Variants in MICAL1 observed in about 807,000 individuals in gnomAD.
MICAL1 encodes microtubule associated monooxygenase, calponin and LIM domain containing 1, also known as [F-actin]-monooxygenase MICAL1.
In MICAL1, 95 loss-of-function variants were observed where a neutral mutation model predicts 131.8. The observed-to-expected ratio is 0.72, with a 90% CI of 0.61 to 0.86. The LOEUF is 0.86. Ranked by LOEUF, MICAL1 falls within the 40% of genes least tolerant of loss-of-function variation. The pLI, the probability that MICAL1 is intolerant of heterozygous loss-of-function variation, is 0.00. For synonymous variants in MICAL1, 546 were observed against 554.2 expected (o/e 0.99, Z 0.21); for missense variants, 1,292 against 1,380.6 (o/e 0.94, Z 1.02).
intron 6 of MICAL1, chr6:109,452,038 A>C: frequency 1.4e-6 from 2 of 1,408,200 alleles, no homozygotes; most frequent in Non-Finnish European, 1.8e-6. Context: ...CATCTCTGAG[A>C]GATTCCAGGA....
In MICAL1 at chr6:109,448,276, C is replaced by T; in HGVS notation, c.1782G>A (p.Gly594=). 6.2e-7 allele frequency: 1 copy of T among 1,613,950 alleles called. No homozygotes were observed. The highest frequency in any genetic ancestry group is 8.5e-7 in the Non-Finnish European group (1 of 1,180,006). ...AGGCAATGAGGCCCAGTGGGTCACT[C>T]CCTGCTACCACGGCCTGTGCAGACA... ...PVVSAQAVVA[G]SDPLGLIAYL... is the part of the protein sequence containing the mutation. The change falls in exon 13 of 25, where the codon GGG becomes GGA. Residue 594 remains glycine, a synonymous_variant. Transcript: ENST00000358807.
upstream of MICAL1, chr6:109,455,896 G>A (rs1775731746): frequency 2.0e-6 from 2 of 985,424 alleles, no homozygotes; most frequent in Non-Finnish European, 1.2e-6. This position sits in a 1 kb window ranked among gnomAD's most constrained non-coding sequence, Gnocchi z 4.7. Context: ...TTCCGCGAGG[G>A]GCGCGGGGCG....
Position 109,444,206 on chromosome 6 carries a change from T to C in MICAL1, c.3189A>G (p.Thr1063=), listed in dbSNP as rs761818024. Residue 1063 remains threonine (T), a synonymous_variant, in exon 25 of 25, where the codon ACA becomes ACG. Transcript: ENST00000358807. ...ERRLSELALG[T]GAQG is the part of the protein sequence containing the mutation. ...CCACCCTCGTCTAGCCCTGGGCCCCTGTCCCCAAGGCCAGCTCGCTGAGCC... is the reference window on the plus strand; with the variant it reads ...CCACCCTCGTCTAGCCCTGGGCCCCCGTCCCCAAGGCCAGCTCGCTGAGCC... The C allele has an allele frequency of 3.7e-6, 6 of 1,613,054 alleles. No homozygotes were observed. Among genetic ancestry groups the C allele is most frequent in the East Asian group, 4.5e-5 (2 of 44,894 alleles).
At chr6:109,454,829 C>G (rs1408052878) in intron 1 of MICAL1, 1 of 152,722 alleles carries the variant, frequency 6.5e-6, no homozygotes, top group East Asian at 1.9e-4. Flanking sequence ...CCTCTGTCCG[C>G]GTAGGTTCCA....
At position 109,465,661 on chromosome 6, in the gene MICAL1, T is replaced by C. The variant is rs763686963; in HGVS notation, c.14+3A>G. On this transcript the variant is annotated splice_donor_region_variant and intron_variant, in intron 1 of 24. Transcript: ENST00000630715. ...TATTGAAATGCTCAATACAAATCAG[T>C]ACCTTAGACAAGACATACACACATC... 8 of 1,572,836 alleles carry C rather than the reference T, an allele frequency of 5.1e-6. No individual in the cohort carries two copies. The highest frequency in any genetic ancestry group is 3.4e-5 in the South Asian group (3 of 88,176).
chr6:109,452,365 A>G lies in MICAL1; in HGVS notation c.713T>C (p.Ile238Thr), dbSNP rs778062132. The change falls in exon 6 of 25, where the codon ATT (isoleucine) becomes ACT (threonine). Residue 238 changes from isoleucine (I) to threonine (T), a missense_variant. Coordinates refer to ENST00000358807, the MANE Select transcript of MICAL1 (RefSeq NM_022765.4). ...KVREMRGKLA[I>T]GITANFVNGR... ...ATTCACAAAGTTGGCTGTGATGCCA[A>G]TGGCCAGTTTGCCTCGCATTTCTCG... 16 of 1,614,082 alleles carry G rather than the reference A, an allele frequency of 9.9e-6. No individual in the cohort carries two copies. Among genetic ancestry groups the G allele is most frequent in the African/African-American group, 2.7e-5 (2 of 74,938 alleles).
At chr6:109,448,600 C>T in intron 12 of MICAL1, 132 bp downstream of exon 12, 1 of 1,405,058 alleles carries the variant, frequency 7.1e-7, no homozygotes, top group South Asian at 1.3e-5. Flanking sequence ...AAGCTCTCCA[C>T]TATCTGAATG....
chr6:109,449,716 C>T lies in MICAL1; in HGVS notation c.1375G>A (p.Gly459Arg), dbSNP rs1421110744. Reference protein sequence around the residue: ...ENMHRNVAQYGLDPATRYPNL... With the variant: ...ENMHRNVAQYRLDPATRYPNL... Reference sequence around the variant, plus strand: ...GGGTAGCGGGTGGCTGGGTCCAGCCCATACTGGGCCACATTGCGATGCATG... The same window carrying T: ...GGGTAGCGGGTGGCTGGGTCCAGCCTATACTGGGCCACATTGCGATGCATG... The change falls in exon 10 of 25, where the codon GGG becomes AGG. Residue 459 changes from glycine (G) to arginine (R), a missense_variant. By Grantham distance (125) the Gly-to-Arg change is moderately radical. Coordinates refer to ENST00000358807, the MANE Select transcript of MICAL1 (RefSeq NM_022765.4). The T allele has an allele frequency of 6.3e-7, 1 of 1,598,814 alleles. No individual in the cohort carries two copies. The highest frequency in any genetic ancestry group is 2.2e-5 in the East Asian group (1 of 44,872).
intron 13 of MICAL1, 96 bp downstream of exon 13, chr6:109,448,097 GACACACACAC>G (rs377004839): frequency 2.9e-5 from 33 of 1,130,290 alleles, no homozygotes; most frequent in Non-Finnish European, 2.2e-5. Flanking sequence ...TCCTCTTTCT[GACACACACAC>G]ACACACACAC....
At chr6:109,450,249 G>A (rs762624565) in intron 8 of MICAL1, 51 bp downstream of exon 8, 1 of 1,584,154 alleles carries the variant, frequency 6.3e-7, no homozygotes, top group Admixed American at 1.7e-5. Context: ...CTCCATACTA[G>A]GCAGCTCCCT....
chr6:109,448,882 G>T lies in MICAL1; in HGVS notation c.1517-3C>A, dbSNP rs1197480696. 6.2e-7 allele frequency: 1 copy of T among 1,613,100 alleles called. No homozygotes were observed. The highest frequency in any genetic ancestry group is 8.5e-7 in the Non-Finnish European group (1 of 1,179,862). Reference sequence around the variant, plus strand: ...CTCCTCCTGGGTGCCTGCCGACCCTGGGAAAGAAGGCTGTGCTGTGCCCAA... The same window carrying T: ...CTCCTCCTGGGTGCCTGCCGACCCTTGGAAAGAAGGCTGTGCTGTGCCCAA... On this transcript the variant is annotated splice_polypyrimidine_tract_variant and splice_region_variant and intron_variant, in intron 11 of 24. Coordinates refer to ENST00000358807, the MANE Select transcript of MICAL1 (RefSeq NM_022765.4).
upstream of MICAL1, among the ~76,000 whole-genome samples, chr6:109,457,764 A>G (rs1254052551): frequency 1.3e-5 from 2 of 152,238 alleles, no homozygotes; most frequent in Non-Finnish European, 2.9e-5. Flanking sequence ...ATGACACATC[A>G]TAAAATTTGT....
Position 109,452,062 on chromosome 6 carries a change from G to A in MICAL1, c.832+184C>T, listed in dbSNP as rs143631938. On this transcript the variant is annotated intron_variant, in intron 6 of 24. Coordinates refer to ENST00000358807, the MANE Select transcript of MICAL1 (RefSeq NM_022765.4). ...GAGATTCCAGGACTTTTCATGCTGG[G>A]TGATCAACTAGGGCTGTGCTTGCTT... 114 of 1,414,092 alleles carry A rather than the reference G, an allele frequency of 8.1e-5. 1 individual carries two copies. In the East Asian group the frequency reaches 2.6e-3, roughly 32 times the overall value. The allele number at this position is 1,414,092 out of a possible 1,614,324, so 87.6% of individuals were successfully genotyped here.
chr6:109,459,765 A>G (rs556481646), upstream of MICAL1, among the ~76,000 whole-genome samples: 1 of 152,330 alleles, frequency 6.6e-6, no homozygotes, highest in South Asian at 2.1e-4. Context: ...TGCCCTTCAA[A>G]CACTAAGATT....
In MICAL1 at chr6:109,448,876, G is replaced by A. The variant is rs199610079; in HGVS notation, c.1520C>T (p.Ser507Leu). The A allele has an allele frequency of 1.0e-4, 161 of 1,613,280 alleles. No homozygotes were observed. The highest frequency in any genetic ancestry group is 5.0e-4 in the Middle Eastern group (3 of 5,956). Residue 507 changes from serine (S) to leucine (L), a missense_variant, in exon 12 of 25, where the codon TCG (serine) becomes TTG (leucine). By Grantham distance (145) the Ser-to-Leu change is moderately radical (BLOSUM62 -2). Transcript: ENST00000358807. ...KTDTGMPATG[S>L]AGTQEELLRW... ...TAGCAGCTCCTCCTGGGTGCCTGCC[G>A]ACCCTGGGAAAGAAGGCTGTGCTGT...
chr6:109,445,884 T>G, intron 19 of MICAL1, 22 bp from the exon 20 acceptor site: 2 of 1,587,722 alleles, frequency 1.3e-6, no homozygotes, highest in Non-Finnish European at 8.6e-7. Context: ...AACTGAGACG[T>G]TCTACTGCCT....
In MICAL1 at chr6:109,455,232, C is replaced by T. The variant is rs1248826087; in HGVS notation, c.-44+487G>A. On this transcript the variant is annotated intron_variant, in intron 1 of 24. Transcript: ENST00000358807. This position sits in a 1 kb window ranked among gnomAD's most constrained non-coding sequence, Gnocchi z 4.7. The stretch of plus-strand genomic sequence containing the variant: ...CGGCAGCGTTAGGGAGGGTGAATGG[C>T]AGCAGTGGGGGCAGGTCCCTGAGGC... Among the ~76,000 whole-genome samples, 1 of 152,180 alleles carries T rather than the reference C, an allele frequency of 6.6e-6. No individual in the cohort carries two copies. Among genetic ancestry groups the T allele is most frequent in the Non-Finnish European group, 1.5e-5 (1 of 68,024 alleles).
intron 9 of MICAL1, 53 bp from the exon 10 acceptor site, chr6:109,449,836 C>A: frequency 6.3e-7 from 1 of 1,587,340 alleles, no homozygotes; most frequent in Non-Finnish European, 8.6e-7. Context: ...CACCTGTCAG[C>A]ACCCACCTCT....
chr6:109,460,188 C>G (rs1354497900), upstream of MICAL1, among the ~76,000 whole-genome samples: 2 of 152,002 alleles, frequency 1.3e-5, no homozygotes, highest in Non-Finnish European at 2.9e-5. Context: ...AGTACAGTGG[C>G]TTGTGTCTAT....
Sources: gnomAD v4.1 joint callset for allele counts (sites outside exome capture counted in the v4.1 genomes callset) on GRCh38, gnomAD v4.1.1 for gene constraint, Gnocchi (gnomAD v3.1) non-coding constraint, MANE v1.5 for transcripts, NCBI Gene and HGNC (gene_info 2026-07-23, HGNC 2026-07-21) for gene names.